ACTN2: variants seen among roughly 807,000 people sequenced by gnomAD.
ACTN2 encodes actinin alpha 2.
In ACTN2, 39 loss-of-function variants were observed where a neutral mutation model predicts 113.8. That is an observed-to-expected ratio of 0.34 (90% CI 0.27 to 0.45). The LOEUF is 0.45. Ranked by LOEUF, ACTN2 falls within the 20% of genes least tolerant of loss-of-function variation. The pLI, the probability that ACTN2 is intolerant of heterozygous loss-of-function variation, is 1.00. For synonymous variants in ACTN2, 429 were observed against 444.1 expected (o/e 0.97, Z 0.43); for missense variants, 992 against 1,177.9 (o/e 0.84, Z 2.31).
chr1:236,694,582 A>G (rs939847920), intron 1 of ACTN2, among the ~76,000 whole-genome samples: 2 of 152,074 alleles, frequency 1.3e-5, no homozygotes, highest in African/African-American at 4.8e-5. Flanking sequence ...GTTTAGTACA[A>G]TTACTTTTTA....
chr1:236,699,956 T>C, intron 1 of ACTN2, among the ~76,000 whole-genome samples: 1 of 152,174 alleles, frequency 6.6e-6, no homozygotes, highest in East Asian at 1.9e-4. Context: ...TAATGAGTAC[T>C]GCTTGTTGCT....
Position 236,717,850 on chromosome 1 carries a change from C to G in ACTN2, c.127-8C>G, listed in dbSNP as rs768145349. On this transcript the variant is annotated splice_polypyrimidine_tract_variant and splice_region_variant and intron_variant, in intron 1 of 20. Transcript: ENST00000366578. Reference sequence around the variant, plus strand: ...CCTGTGCTAAACCGTGTTTGGTTTTCTTTGCAGACCTTCACTGCCTGGTGT... The same window carrying G: ...CCTGTGCTAAACCGTGTTTGGTTTTGTTTGCAGACCTTCACTGCCTGGTGT... The G allele has an allele frequency of 1.9e-6, 3 of 1,606,972 alleles. No homozygotes were observed. In the Admixed American group the frequency reaches 5.0e-5, roughly 27 times the overall value.
At chr1:236,741,038 T>A (rs1438915116) in intron 10 of ACTN2, among the ~76,000 whole-genome samples, 1 of 152,140 alleles carries the variant, frequency 6.6e-6, no homozygotes, top group Non-Finnish European at 1.5e-5. Context: ...GCCCATGGCT[T>A]GTTTTTTCTT....
chr1:236,751,782 C>T, intron 15 of ACTN2, 130 bp downstream of exon 15: 3 of 1,109,134 alleles, frequency 2.7e-6, no homozygotes, highest in South Asian at 2.7e-5. Flanking sequence ...TTCCTTTATC[C>T]CAAATTTCAC....
intron 1 of ACTN2, among the ~76,000 whole-genome samples, chr1:236,697,932 G>A (rs1260391223): frequency 4.5e-5 from 4 of 88,492 alleles, no homozygotes; most frequent in East Asian, 6.3e-4. Context: ...GCTAATTTTC[G>A]TATTTTTTTT....
intron 14 of ACTN2, among the ~76,000 whole-genome samples, chr1:236,750,640 T>A (rs1266133695): frequency 6.6e-6 from 1 of 152,216 alleles, no homozygotes; most frequent in Non-Finnish European, 1.5e-5. Context: ...ATAGGTTTGA[T>A]AAATGGCTCT....
chr1:236,713,014 C>T (rs1243492807), intron 1 of ACTN2, among the ~76,000 whole-genome samples: 1 of 150,326 alleles, frequency 6.7e-6, no homozygotes, highest in Non-Finnish European at 1.5e-5. Flanking sequence ...TTAAAAATTC[C>T]TTTAAAGTAA....
At chr1:236,711,999 A>G (rs549322461) in intron 1 of ACTN2, among the ~76,000 whole-genome samples, 4 of 152,156 alleles carry the variant, frequency 2.6e-5, no homozygotes, top group African/African-American at 9.7e-5. Flanking sequence ...TGGCTTGGTA[A>G]TCTGTTTTAA....
At chr1:236,724,357 A>G (rs1212998291) in intron 4 of ACTN2, among the ~76,000 whole-genome samples, 1 of 152,162 alleles carries the variant, frequency 6.6e-6, no homozygotes, top group Non-Finnish European at 1.5e-5. Context: ...TCAACATATG[A>G]ATTTGGTGAT....
Position 236,754,897 on chromosome 1 carries a change from T to C in ACTN2, c.1975-122T>C. 8.7e-7 allele frequency: 1 copy of C among 1,150,332 alleles called. No homozygotes were observed. Among genetic ancestry groups the C allele is most frequent in the South Asian group, 1.2e-5 (1 of 80,546 alleles). 71.3% of individuals were successfully genotyped at this position (1,150,332 alleles called of 1,614,324 possible). On this transcript the variant is annotated intron_variant, in intron 16 of 20. Transcript: ENST00000366578. This position sits in a 1 kb window ranked among gnomAD's most constrained non-coding sequence, Gnocchi z 4.9. ...CTGAGAAAAGTGAACCGAGTGACAC[T>C]GGCCGCTGCCTGACGCTGGCCTAGC...
chr1:236,727,715 C>T lies in ACTN2; in HGVS notation c.574C>T (p.Arg192Ter), dbSNP rs1253211384. ...DGLGLCALIH[R>*]HRPDLIDYSK... The stretch of plus-strand genomic sequence containing the variant: ...CCTTGGACTCTGTGCCCTCATCCAC[C>T]GACACCGGCCTGACCTCATTGACTA... The change falls in exon 6 of 21, where the codon CGA (arginine) becomes TGA (stop). Residue 192 changes from arginine to a stop codon, truncating the protein, a stop_gained. Transcript: ENST00000366578. LOFTEE classifies it high-confidence loss of function. 13 of 1,614,024 alleles carry T rather than the reference C, an allele frequency of 8.1e-6. No individual in the cohort carries two copies. Among genetic ancestry groups the T allele is most frequent in the Admixed American group, 1.7e-5 (1 of 60,002 alleles).
At chr1:236,755,597 G>T (rs3768128) in intron 17 of ACTN2, among the ~76,000 whole-genome samples, 1 of 151,408 alleles carries the variant, frequency 6.6e-6, no homozygotes, top group Non-Finnish European at 1.5e-5. Flanking sequence ...AGTATATACT[G>T]CAGAGTGCCC....
chr1:236,717,182 GC>G (rs780318992), intron 1 of ACTN2, among the ~76,000 whole-genome samples: 158 of 152,004 alleles, frequency 1.0e-3, no homozygotes, highest in Non-Finnish European at 1.7e-3. Flanking sequence ...GGTGGCTCAT[GC>G]CTGTAATCCC....
At chr1:236,704,713 C>T (rs973460780) in intron 1 of ACTN2, among the ~76,000 whole-genome samples, 1 of 152,170 alleles carries the variant, frequency 6.6e-6, no homozygotes, top group Non-Finnish European at 1.5e-5. Context: ...ATGCCCTCCC[C>T]AGCAGGTCGC....
chr1:236,753,797 A>C (rs1157378918), intron 15 of ACTN2, 150 bp from the exon 16 acceptor site: 112 of 848,520 alleles, frequency 1.3e-4, no homozygotes, highest in Non-Finnish European at 1.7e-4. Context: ...CCTCCTCCCT[A>C]TCCTCCCTCT....
intron 1 of ACTN2, among the ~76,000 whole-genome samples, chr1:236,708,174 C>A (rs1657892267): frequency 6.6e-6 from 1 of 151,892 alleles, no homozygotes; most frequent in African/African-American, 2.4e-5. Context: ...TCTAACAGGA[C>A]CTTGGAGACC....
chr1:236,762,776 C>G lies in ACTN2; in HGVS notation c.*157C>G. ...TTCAGTAATTGCCAGCAATATAACA[C>G]GGCTAAAATGAAGTTTTTACAGTAT... On this transcript the variant is annotated 3_prime_UTR_variant, in exon 21 of 21. Transcript: ENST00000366578. 1.1e-6 allele frequency: 1 copy of G among 923,466 alleles called. No individual in the cohort carries two copies. Among genetic ancestry groups the G allele is most frequent in the Admixed American group, 2.1e-5 (1 of 48,640 alleles). 57.2% of individuals were successfully genotyped at this position (923,466 alleles called of 1,614,324 possible). A position where few individuals can be genotyped will look rare whatever the true frequency, so the allele number is the denominator to read the frequency against.
chr1:236,719,057 TAGCGTAGG>T, intron 3 of ACTN2, 44 bp downstream of exon 3: 1 of 1,611,662 alleles, frequency 6.2e-7, no homozygotes, highest in Non-Finnish European at 8.5e-7. Flanking sequence ...ACTGACCTAA[TAGCGTAGG>T]TGTGGGCTGC....
At position 236,754,271 on chromosome 1, in the gene ACTN2, A is replaced by T. The variant is rs551602936; in HGVS notation, c.1974+190A>T. 6.6e-6 allele frequency among the ~76,000 whole-genome samples: 1 copy of T among 152,210 alleles called. No individual in the cohort carries two copies. The highest frequency in any genetic ancestry group is 1.5e-5 in the Non-Finnish European group (1 of 68,042). On this transcript the variant is annotated intron_variant, in intron 16 of 20. Transcript: ENST00000366578. This position sits in a 1 kb window ranked among gnomAD's most constrained non-coding sequence, Gnocchi z 4.9. The stretch of plus-strand genomic sequence containing the variant: ...GGGACAGTGTGCAAACCAGAGCACA[A>T]TATGGAATGCAGGAAGGCGGCACTC...
Sources: gnomAD v4.1 joint callset for allele counts (sites outside exome capture counted in the v4.1 genomes callset) on GRCh38, gnomAD v4.1.1 for gene constraint, Gnocchi (gnomAD v3.1) non-coding constraint, MANE v1.5 for transcripts, NCBI Gene and HGNC (gene_info 2026-07-23, HGNC 2026-07-21) for gene names.